Variants in PAWR observed in about 807,000 individuals in gnomAD.
PAWR encodes the protein pro-apoptotic WT1 regulator.
A neutral mutation model predicts 32.0 loss-of-function variants in PAWR; 23 were observed. That is an observed-to-expected ratio of 0.72 (90% confidence interval 0.52 to 1.02). PAWR has a LOEUF of 1.02. Ranked by LOEUF, PAWR falls within the 50% of genes least tolerant of loss-of-function variation. PAWR has a pLI of 0.00. For synonymous variants in PAWR, 226 were observed against 187.1 expected (o/e 1.21, Z -1.70); for missense variants, 457 against 437.7 (o/e 1.04, Z -0.39).
chr12:79,646,951 G>A (rs1876603624), intron 2 of PAWR, among the ~76,000 whole-genome samples: 1 of 152,064 alleles, frequency 6.6e-6, no homozygotes, highest in Admixed American at 6.6e-5. Flanking sequence ...GCTGAGGCGG[G>A]AGGATCACAA....
chr12:79,608,028 G>A (rs1874263637), intron 4 of PAWR, among the ~76,000 whole-genome samples: 1 of 144,800 alleles, frequency 6.9e-6, no homozygotes, highest in Non-Finnish European at 1.5e-5. Context: ...CAGCCTGGGC[G>A]ACAAGAGCAA....
At chr12:79,656,735 C>A (rs1877112142) in intron 2 of PAWR, among the ~76,000 whole-genome samples, 1 of 152,146 alleles carries the variant, frequency 6.6e-6, no homozygotes, top group Non-Finnish European at 1.5e-5. Flanking sequence ...GATTTACCAC[C>A]ATCCCTGAAA....
intron 2 of PAWR, chr12:79,688,599 A>C (rs1462406680): frequency 6.6e-6 from 1 of 152,200 alleles, no homozygotes; most frequent in Non-Finnish European, 1.5e-5. Flanking sequence ...TGGCTGATAA[A>C]AATCTCTGAA....
At chr12:79,673,102 C>T (rs1244343163) in intron 2 of PAWR, among the ~76,000 whole-genome samples, 1 of 152,130 alleles carries the variant, frequency 6.6e-6, no homozygotes, top group African/African-American at 2.4e-5. Context: ...CGGAGTCTTG[C>T]TCTGTCTCCC....
In PAWR at chr12:79,604,188, A is replaced by T. The variant is rs1465052337; in HGVS notation, c.684-7530T>A. ...TGTTCATTAACTCCAAAAAGTTTTT[A>T]ACATTTTACTTAGGAATGTTAACAT... On this transcript the variant is annotated intron_variant, in intron 4 of 6. Coordinates refer to ENST00000328827, the MANE Select transcript of PAWR (RefSeq NM_002583.4). 3 of 964,544 alleles carry T rather than the reference A, an allele frequency of 3.1e-6. No homozygotes were observed. The East Asian group carries it at 3.4e-4, about 110-fold the overall frequency. The allele number at this position is 964,544 out of a possible 1,614,324, so 59.7% of individuals were successfully genotyped here. A position where few individuals can be genotyped will look rare whatever the true frequency, so the allele number is the denominator to read the frequency against.
At chr12:79,652,256 G>A (rs1241630081) in intron 2 of PAWR, among the ~76,000 whole-genome samples, 1 of 152,060 alleles carries the variant, frequency 6.6e-6, no homozygotes, top group African/African-American at 2.4e-5. Context: ...TATTATATAC[G>A]TATATGTTAC....
At chr12:79,633,303 T>C (rs1001094572) in intron 2 of PAWR, among the ~76,000 whole-genome samples, 2 of 151,794 alleles carry the variant, frequency 1.3e-5, no homozygotes, top group Non-Finnish European at 2.9e-5. Context: ...AGAACACAAT[T>C]AAAAAAACAA....
intron 4 of PAWR, chr12:79,604,686 A>G: frequency 1.6e-6 from 2 of 1,288,784 alleles, no homozygotes; most frequent in Non-Finnish European, 2.0e-6. Context: ...ACTCCTCGTA[A>G]CAGCTCCTTG....
intron 2 of PAWR, among the ~76,000 whole-genome samples, chr12:79,684,468 A>G (rs1029613072): frequency 1.3e-5 from 2 of 151,980 alleles, no homozygotes; most frequent in African/African-American, 4.8e-5. Flanking sequence ...AAAATTAGCC[A>G]GGCATGGTGG....
At chr12:79,629,820 A>T (rs1175247624) in intron 2 of PAWR, among the ~76,000 whole-genome samples, 1 of 152,158 alleles carries the variant, frequency 6.6e-6, no homozygotes, top group African/African-American at 2.4e-5. Context: ...TTAAACTTAA[A>T]ATCAGTAACA....
intron 2 of PAWR, among the ~76,000 whole-genome samples, chr12:79,663,751 ACT>A (rs942313259): frequency 2.6e-5 from 4 of 151,382 alleles, no homozygotes; most frequent in Non-Finnish European, 5.9e-5. Context: ...ATGGAGTGAG[ACT>A]CTGTCTCAAA....
chr12:79,622,885 T>A (rs1011391634), intron 2 of PAWR, among the ~76,000 whole-genome samples: 13 of 152,178 alleles, frequency 8.5e-5, no homozygotes, highest in African/African-American at 2.9e-4. Flanking sequence ...AAGTGGGGTA[T>A]GATCTCAAAG....
chr12:79,659,165 C>T lies in PAWR; in HGVS notation c.516+30564G>A, dbSNP rs188317235. Among the ~76,000 whole-genome samples the T allele has an allele frequency of 7.2e-3, 1,086 of 151,816 alleles. 12 individuals are homozygous for T. The highest frequency in any genetic ancestry group is 0.025 in the African/African-American group (1,036 of 41,434). On this transcript the variant is annotated intron_variant, in intron 2 of 6. Transcript: ENST00000328827. ...ACAAAAAACGAGCCAGGCGTGGTGG[C>T]GGGCGCCTGTAGTCCCAGCTACTTG... is the stretch of plus-strand genomic sequence containing the variant.
At chr12:79,612,900 A>G (rs1874505194) in intron 4 of PAWR, among the ~76,000 whole-genome samples, 1 of 152,162 alleles carries the variant, frequency 6.6e-6, no homozygotes, top group Admixed American at 6.5e-5. Flanking sequence ...AGTGTTACTC[A>G]TTGTGTACAG....
At chr12:79,651,105 A>C (rs2136797277) in intron 2 of PAWR, among the ~76,000 whole-genome samples, 1 of 152,356 alleles carries the variant, frequency 6.6e-6, no homozygotes, top group East Asian at 1.9e-4. Context: ...GCAATCAAGA[A>C]ATCCACTTGG....
rs183061808 is a variant in PAWR at position 79,624,860 on chromosome 12, G to A, written c.517-3653C>T. Among the ~76,000 whole-genome samples, 6 of 152,028 alleles carry A rather than the reference G, an allele frequency of 3.9e-5. 1 individual carries two copies. The highest frequency in any genetic ancestry group is 1.4e-4 in the African/African-American group (6 of 41,460). ...TGATGAACATTTGGGTTTTTTACAC[G>A]CTCTAAGAAAAATGTGTTAGAAAGG... On this transcript the variant is annotated intron_variant, in intron 2 of 6. Coordinates refer to ENST00000328827, the MANE Select transcript of PAWR (RefSeq NM_002583.4).
chr12:79,610,267 A>G (rs1254509366), intron 4 of PAWR, among the ~76,000 whole-genome samples: 1 of 152,228 alleles, frequency 6.6e-6, no homozygotes, highest in East Asian at 1.9e-4. Context: ...GAGCTGGGTA[A>G]GGTTTTCAGC....
At chr12:79,690,481 T>A (rs1878961556) in intron 1 of PAWR, 90 bp from the exon 2 acceptor site, 2 of 742,646 alleles carry the variant, frequency 2.7e-6, no homozygotes, top group East Asian at 7.4e-5. Flanking sequence ...CCCCTTGGAG[T>A]CCTCGAGCGC....
At chr12:79,646,932 C>T (rs1876602551) in intron 2 of PAWR, among the ~76,000 whole-genome samples, 1 of 152,018 alleles carries the variant, frequency 6.6e-6, no homozygotes, top group Admixed American at 6.6e-5. Context: ...AATCCCAGCA[C>T]TTTGGGAGGC....
Sources: gnomAD v4.1 joint callset for allele counts (sites outside exome capture counted in the v4.1 genomes callset) on GRCh38, gnomAD v4.1.1 for gene constraint, MANE v1.5 for transcripts, NCBI Gene and HGNC (gene_info 2026-07-23, HGNC 2026-07-21) for gene names.